The following ST6GALNAC1 variants were observed in gnomAD, a reference collection of about 807,000 sequenced individuals.
ST6GALNAC1 encodes ST6 N-acetylgalactosaminide alpha-2,6-sialyltransferase 1.
ST6GALNAC1 carries 45 observed loss-of-function variants against 56.8 expected under a neutral mutation model. That is an observed-to-expected ratio of 0.79 (90% CI 0.62 to 1.02). ST6GALNAC1 has a LOEUF of 1.02. ST6GALNAC1 is among the 50% of genes least tolerant of loss of function. The pLI, the probability that ST6GALNAC1 is intolerant of heterozygous loss-of-function variation, is 0.00. For synonymous variants in ST6GALNAC1, 295 were observed against 297.8 expected (o/e 0.99, Z 0.10); for missense variants, 743 against 754.8 (o/e 0.98, Z 0.18).
the ST6GALNAC1 span, among the ~76,000 whole-genome samples, chr17:76,617,486 C>G: frequency 6.6e-6 from 1 of 152,084 alleles, no homozygotes; most frequent in African/African-American, 2.4e-5. Flanking sequence ...TGGGCCACCT[C>G]CCCATGCAAA....
rs2076078376 is a variant in ST6GALNAC1, at chr17:76,643,621, C to T, written c.18G>A (p.Trp6Ter). ...CGCCTTGGCTCAGGTGCCTGCATCTCCACAGGCAGGACCTCATGGTGGTGG... is the reference window on the plus strand; with the variant it reads ...CGCCTTGGCTCAGGTGCCTGCATCTTCACAGGCAGGACCTCATGGTGGTGG... MRSCL[W>*]RCRHLSQGVQ... is the part of the protein sequence containing the mutation. Residue 6 changes from tryptophan to a stop codon, truncating the protein, a stop_gained, in exon 1 of 9, where the codon TGG becomes TGA. Coordinates refer to ENST00000156626, the MANE Select transcript of ST6GALNAC1 (RefSeq NM_018414.5). LOFTEE classifies it high-confidence loss of function. 2 of 1,613,868 alleles carry T rather than the reference C, an allele frequency of 1.2e-6. No homozygotes were observed. The highest frequency in any genetic ancestry group is 1.1e-5 in the South Asian group (1 of 91,074).
At chr17:76,637,272 T>TAAAAAAACAA (rs2075989089) in intron 1 of ST6GALNAC1, among the ~76,000 whole-genome samples, 1 of 18,168 alleles carries the variant, frequency 5.5e-5, no homozygotes, top group African/African-American at 2.4e-4. Context: ...CAATAAATAC[T>TAAAAAAACAA]AAAAAAAAAA....
chr17:76,637,041 G>T (rs544587193), intron 1 of ST6GALNAC1, among the ~76,000 whole-genome samples: 44 of 152,024 alleles, frequency 2.9e-4, no homozygotes, highest in African/African-American at 8.9e-4. Context: ...GGTGCAAGAT[G>T]TGCTTTGTTA....
chr17:76,620,495 A>G (rs1322012543), downstream of ST6GALNAC1, among the ~76,000 whole-genome samples: 2 of 151,862 alleles, frequency 1.3e-5, no homozygotes, highest in African/African-American at 2.4e-5. Context: ...CCCTTATTCA[A>G]TCTCTTATCC....
intron 1 of ST6GALNAC1, among the ~76,000 whole-genome samples, chr17:76,637,057 A>G (rs557769564): frequency 3.0e-3 from 451 of 152,062 alleles, no homozygotes; most frequent in Non-Finnish European, 4.9e-3. Context: ...TGTTAAACAG[A>G]TGCTTGAAGG....
Position 76,632,849 on chromosome 17 carries a change from C to T in ST6GALNAC1, c.132-3138G>A, listed in dbSNP as rs1193943738. Reference sequence around the variant, plus strand: ...TCATGGGTCATACCAAAACAAAAAGCGACTTAACTGCATAATTCTGATCTA... The same window carrying T: ...TCATGGGTCATACCAAAACAAAAAGTGACTTAACTGCATAATTCTGATCTA... On this transcript the variant is annotated intron_variant, in intron 1 of 8. Coordinates refer to ENST00000156626, the MANE Select transcript of ST6GALNAC1 (RefSeq NM_018414.5). Among the ~76,000 whole-genome samples, 5 of 152,078 alleles carry T rather than the reference C, an allele frequency of 3.3e-5. No homozygotes were observed. In the East Asian group the frequency reaches 5.8e-4, roughly 18 times the overall value.
intron 1 of ST6GALNAC1, among the ~76,000 whole-genome samples, chr17:76,632,038 G>T (rs1567957788): frequency 6.6e-6 from 1 of 152,060 alleles, no homozygotes; most frequent in Non-Finnish European, 1.5e-5. Context: ...CCCTTGGTCT[G>T]ACTACTCAGT....
chr17:76,643,615 G>A lies in ST6GALNAC1; in HGVS notation c.24C>T (p.Cys8=). Residue 8 remains cysteine, a synonymous_variant, in exon 1 of 9, where the codon TGC becomes TGT. Transcript: ENST00000156626. ...ACTGGACGCCTTGGCTCAGGTGCCT[G>A]CATCTCCACAGGCAGGACCTCATGG... MRSCLWR[C]RHLSQGVQWS... The A allele has an allele frequency of 6.2e-7, 1 of 1,614,100 alleles. No individual in the cohort carries two copies. The highest frequency in any genetic ancestry group is 8.5e-7 in the Non-Finnish European group (1 of 1,179,962).
In ST6GALNAC1 at chr17:76,626,722, T is replaced by G; in HGVS notation, c.1240A>C (p.Thr414Pro). ...VGTRTSFYGF[T>P]AFSLTQSLLI... ...AGTGACTGGGTCAGGGAGAAGGCGG[T>G]AAAGCCGTAGAAGGATGTCCGAGTC... Residue 414 changes from threonine to proline, a missense_variant, in exon 5 of 9, where the codon ACC becomes CCC. Thr to Pro is a conservative substitution (Grantham distance 38). Coordinates refer to ENST00000156626, the MANE Select transcript of ST6GALNAC1 (RefSeq NM_018414.5). 1 of 1,614,180 alleles carries G rather than the reference T, an allele frequency of 6.2e-7. No individual in the cohort carries two copies. The highest frequency in any genetic ancestry group is 8.5e-7 in the Non-Finnish European group (1 of 1,180,034).
At chr17:76,631,844 G>C (rs2075906361) in intron 1 of ST6GALNAC1, among the ~76,000 whole-genome samples, 1 of 152,122 alleles carries the variant, frequency 6.6e-6, no homozygotes, top group South Asian at 2.1e-4. Context: ...ACTTTCAAGA[G>C]AAAGAGGGGG....
At chr17:76,637,276 A>AAT (rs1223501224) in intron 1 of ST6GALNAC1, among the ~76,000 whole-genome samples, 1 of 147,350 alleles carries the variant, frequency 6.8e-6, no homozygotes, top group Non-Finnish European at 1.5e-5. Flanking sequence ...AAATACTAAA[A>AAT]AAAAAAAAAA....
At chr17:76,630,134 A>G (rs943102473) in intron 1 of ST6GALNAC1, among the ~76,000 whole-genome samples, 3 of 152,216 alleles carry the variant, frequency 2.0e-5, no homozygotes, top group African/African-American at 7.2e-5. Context: ...ATATGTACAT[A>G]GGACATACAG....
At chr17:76,629,735 T>C (rs1286929534) in intron 1 of ST6GALNAC1, 24 bp from the exon 2 acceptor site, 1 of 1,574,170 alleles carries the variant, frequency 6.4e-7, no homozygotes, top group Non-Finnish European at 8.7e-7. Flanking sequence ...TAACCTTTGA[T>C]GAAGGCTGAA....
At chr17:76,634,666 C>T (rs1201147616) in intron 1 of ST6GALNAC1, among the ~76,000 whole-genome samples, 17 of 151,416 alleles carry the variant, frequency 1.1e-4, no homozygotes, top group African/African-American at 4.1e-4. Context: ...GGTGGATCAC[C>T]TGAGGTCAGG....
At chr17:76,618,653 CG>C in the ST6GALNAC1 span, among the ~76,000 whole-genome samples, 53 of 152,044 alleles carry the variant, frequency 3.5e-4, no homozygotes, top group African/African-American at 1.3e-3. Flanking sequence ...TGGTGGCAGG[CG>C]CATGTAGTCC....
At chr17:76,642,518 C>T (rs1481216415) in intron 1 of ST6GALNAC1, among the ~76,000 whole-genome samples, 2 of 152,142 alleles carry the variant, frequency 1.3e-5, no homozygotes, top group East Asian at 1.9e-4. Flanking sequence ...GAGTGGTCAC[C>T]TTGAAGAGTG....
At chr17:76,625,759 C>A in intron 8 of ST6GALNAC1, 60 bp downstream of exon 8, 1 of 1,393,134 alleles carries the variant, frequency 7.2e-7, no homozygotes, top group Non-Finnish European at 9.6e-7. Context: ...GCTGAACAGG[C>A]CCAGGAATAG....
chr17:76,628,976 G>A, intron 2 of ST6GALNAC1, 36 bp downstream of exon 2: 1 of 1,511,720 alleles, frequency 6.6e-7, no homozygotes, highest in East Asian at 2.3e-5. Flanking sequence ...CTTCAGAGCT[G>A]GGAGCCAGAG....
At chr17:76,634,190 C>T (rs917319131) in intron 1 of ST6GALNAC1, among the ~76,000 whole-genome samples, 5 of 152,196 alleles carry the variant, frequency 3.3e-5, no homozygotes, top group South Asian at 2.1e-4. Context: ...CACACAGAAT[C>T]GCCTCTACTT....
Sources: gnomAD v4.1 joint callset for allele counts (sites outside exome capture counted in the v4.1 genomes callset) on GRCh38, gnomAD v4.1.1 for gene constraint, MANE v1.5 for transcripts, NCBI Gene and HGNC (gene_info 2026-07-23, HGNC 2026-07-21) for gene names.